Variants in BMPR1A observed in about 807,000 individuals in gnomAD.
The protein encoded by BMPR1A is bone morphogenetic protein receptor type-1A.
A neutral mutation model predicts 66.0 loss-of-function variants in BMPR1A; 7 were observed. The observed-to-expected ratio is 0.11, with a 90% CI of 0.06 to 0.20. The LOEUF is 0.20. BMPR1A is among the 10% of genes least tolerant of loss of function. The probability of loss-of-function intolerance (pLI) is 1.00; values close to 1 mark genes in which losing one functional copy is unlikely to be tolerated. For synonymous variants in BMPR1A, 200 were observed against 229.7 expected (o/e 0.87, Z 1.17); for missense variants, 408 against 669.1 (o/e 0.61, Z 4.31).
At chr10:86,818,784 G>A (rs1842073169) in intron 1 of BMPR1A, among the ~76,000 whole-genome samples, 1 of 152,182 alleles carries the variant, frequency 6.6e-6, no homozygotes, top group African/African-American at 2.4e-5. Context: ...CTGGATTGGA[G>A]TTCCATCTCT....
intron 1 of BMPR1A, among the ~76,000 whole-genome samples, chr10:86,807,756 G>C (rs1399520102): frequency 6.6e-6 from 1 of 151,830 alleles, no homozygotes; most frequent in African/African-American, 2.4e-5. Context: ...TCAAGATACT[G>C]TTCTATAGTT....
chr10:86,863,954 T>C (rs1318986134), intron 2 of BMPR1A, among the ~76,000 whole-genome samples: 3 of 152,178 alleles, frequency 2.0e-5, no homozygotes, highest in Non-Finnish European at 4.4e-5. Flanking sequence ...AGCAGTCAGG[T>C]GGGAAGGGAA....
intron 2 of BMPR1A, among the ~76,000 whole-genome samples, chr10:86,853,596 C>T (rs1011875849): frequency 1.9e-4 from 27 of 145,408 alleles, no homozygotes; most frequent in Admixed American, 5.6e-4. Context: ...TTCTATTTTC[C>T]GTAAGTGTTG....
chr10:86,921,769 T>A (rs1162382201), intron 11 of BMPR1A, 74 bp downstream of exon 11: 1 of 1,595,456 alleles, frequency 6.3e-7, no homozygotes, highest in African/African-American at 1.3e-5. Context: ...GTTATATAAC[T>A]TTTTAGTTTT....
chr10:86,846,664 G>A (rs1202270654), intron 2 of BMPR1A, among the ~76,000 whole-genome samples: 1 of 152,052 alleles, frequency 6.6e-6, no homozygotes, highest in East Asian at 1.9e-4. Flanking sequence ...TTGCGCCACT[G>A]CACTTCAGCC....
chr10:86,782,815 CT>C (rs967743203), intron 1 of BMPR1A, among the ~76,000 whole-genome samples: 34 of 152,076 alleles, frequency 2.2e-4, no homozygotes, highest in Middle Eastern at 3.4e-3. Flanking sequence ...CCTTTTCACT[CT>C]TCCTTGGTTT....
chr10:86,809,681 G>A (rs1044476615), intron 1 of BMPR1A, among the ~76,000 whole-genome samples: 14 of 145,504 alleles, frequency 9.6e-5, no homozygotes, highest in Admixed American at 6.4e-4. Context: ...GGCCTCAAGC[G>A]ATCCTCTCCC....
At chr10:86,777,659 A>G (rs1413168429) in intron 1 of BMPR1A, among the ~76,000 whole-genome samples, 1 of 152,034 alleles carries the variant, frequency 6.6e-6, no homozygotes, top group Non-Finnish European at 1.5e-5. Context: ...ATTGTTCATT[A>G]TTTTATACAA....
At position 86,817,714 on chromosome 10, in the gene BMPR1A, CA is replaced by C. The variant is rs528179189; in HGVS notation, c.-267-21146del. 1.7e-4 allele frequency among the ~76,000 whole-genome samples: 26 copies of C among 152,168 alleles called. No individual in the cohort carries two copies. In the East Asian group the frequency reaches 5.0e-3, roughly 29 times the overall value. ...CTAGTGAGGAGATTGAATGAGTAAT[CA>C]AAAATCTCCTGACAGAAAAGAAAAA... On this transcript the variant is annotated intron_variant, in intron 1 of 12. Transcript: ENST00000372037.
chr10:86,853,260 A>C (rs1842596399), intron 2 of BMPR1A, among the ~76,000 whole-genome samples: 1 of 152,022 alleles, frequency 6.6e-6, no homozygotes. Context: ...TCATATATTC[A>C]GAGATAAGCC....
At chr10:86,831,729 A>C (rs1842270064) in intron 1 of BMPR1A, among the ~76,000 whole-genome samples, 1 of 152,146 alleles carries the variant, frequency 6.6e-6, no homozygotes, top group Non-Finnish European at 1.5e-5. Flanking sequence ...ACACCACTGC[A>C]CTCCAGCTTG....
Position 86,927,534 on chromosome 10 carries a change from GTGAAGCCACGTGTAATGA to G in BMPR1A, c.*3818_*3835del, listed in dbSNP as rs1310744963. On this transcript the variant is annotated 3_prime_UTR_variant, in exon 13 of 13. Transcript: ENST00000372037. ...GAACCAAAATCCAGCACAGCATCCT[GTGAAGCCACGTGTAATGA>G]TGGTCCCATAAGGAAAGTATGTGAA... 1 of 199,702 alleles carries G rather than the reference GTGAAGCCACGTGTAATGA, an allele frequency of 5.0e-6. No individual in the cohort carries two copies. Among genetic ancestry groups the G allele is most frequent in the Non-Finnish European group, 1.0e-5 (1 of 96,902 alleles). The allele number at this position is 199,702 out of a possible 1,614,324, so 12.4% of individuals were successfully genotyped here.
chr10:86,906,765 C>CTTTGTCCTT (rs1451831685), intron 7 of BMPR1A, among the ~76,000 whole-genome samples: 2 of 111,854 alleles, frequency 1.8e-5, no homozygotes, highest in Non-Finnish European at 4.3e-5. Context: ...AAAAAAAACA[C>CTTTGTCCTT]TTTGTCCTTT....
At chr10:86,814,925 A>G (rs1338221268) in intron 1 of BMPR1A, among the ~76,000 whole-genome samples, 1 of 152,092 alleles carries the variant, frequency 6.6e-6, no homozygotes, top group Non-Finnish European at 1.5e-5. Flanking sequence ...AGCTGGGACT[A>G]TAGGTGCGCG....
Position 86,927,792 on chromosome 10 carries a change from T to C in BMPR1A, c.*4073T>C. The C allele has an allele frequency of 5.0e-6, 1 of 200,386 alleles. No individual in the cohort carries two copies. 12.4% of individuals were successfully genotyped at this position (200,386 alleles called of 1,614,324 possible). On this transcript the variant is annotated 3_prime_UTR_variant, in exon 13 of 13. Coordinates refer to ENST00000372037, the MANE Select transcript of BMPR1A (RefSeq NM_004329.3). The stretch of plus-strand genomic sequence containing the variant: ...AGAAGGGTAAAAGCAAGCAGTTTTA[T>C]CAGGCAGTTGTAAAACACCAAAAAT...
intron 1 of BMPR1A, among the ~76,000 whole-genome samples, chr10:86,833,354 C>A (rs1484218862): frequency 2.0e-5 from 3 of 152,018 alleles, no homozygotes; most frequent in African/African-American, 7.3e-5. Flanking sequence ...AGACATGAGT[C>A]CAATGAATAG....
At chr10:86,881,871 T>C (rs185012691) in intron 3 of BMPR1A, among the ~76,000 whole-genome samples, 185 of 152,318 alleles carry the variant, frequency 1.2e-3, no homozygotes, top group Admixed American at 2.7e-3. Context: ...TATGATACAA[T>C]TGGAAATTAG....
intron 5 of BMPR1A, among the ~76,000 whole-genome samples, chr10:86,894,981 T>A (rs1371984843): frequency 1.3e-5 from 2 of 152,182 alleles, no homozygotes; most frequent in African/African-American, 4.8e-5. Context: ...CAGTTCTCTT[T>A]CCCTTAGTCA....
Position 86,832,465 on chromosome 10 carries a change from TAAAA to T in BMPR1A, c.-267-6386_-267-6383del, listed in dbSNP as rs72199985. ...TGGGCGACAAGAGCGAAACTCCGTC[TAAAA>T]AAAAAAAAAAAAAGAAATCATTGAA... is the stretch of plus-strand genomic sequence containing the variant. On this transcript the variant is annotated intron_variant, in intron 1 of 12. Transcript: ENST00000372037. Among the ~76,000 whole-genome samples the T allele has an allele frequency of 1.1e-4, 14 of 122,284 alleles. No individual in the cohort carries two copies. The South Asian group carries it at 3.7e-3, about 32-fold the overall frequency. 80.2% of individuals were successfully genotyped at this position (122,284 alleles called of 152,430 possible). A position where few individuals can be genotyped will look rare whatever the true frequency, so the allele number is the denominator to read the frequency against.
Sources: allele counts gnomAD v4.1 joint callset (sites outside exome capture counted in the v4.1 genomes callset), GRCh38; gene constraint gnomAD v4.1.1; transcripts MANE v1.5; gene names NCBI Gene and HGNC (gene_info 2026-07-23, HGNC 2026-07-21).